Variants in ZFAND6 observed in about 807,000 individuals in gnomAD.
The protein encoded by ZFAND6 is AN1-type zinc finger protein 6.
Under a neutral mutation model 24.5 loss-of-function variants are expected in ZFAND6, and 12 were observed. That is an observed-to-expected ratio of 0.49 (90% CI 0.31 to 0.79). ZFAND6 has a LOEUF of 0.79. Among genes scored for constraint, ZFAND6 ranks in the 30% least tolerant of loss-of-function variants. The pLI is 0.04. For synonymous variants in ZFAND6, 92 were observed against 81.5 expected (o/e 1.13, Z -0.69); for missense variants, 207 against 245.9 (o/e 0.84, Z 1.06).
chr15:80,076,568 C>T (rs567336698), intron 1 of ZFAND6, among the ~76,000 whole-genome samples: 1 of 152,130 alleles, frequency 6.6e-6, no homozygotes, highest in Non-Finnish European at 1.5e-5. Context: ...AAGAATAACA[C>T]CAGCTGATTC....
chr15:80,080,299 C>T (rs986605270), intron 1 of ZFAND6, among the ~76,000 whole-genome samples: 3 of 152,182 alleles, frequency 2.0e-5, no homozygotes, highest in Non-Finnish European at 4.4e-5. Context: ...ACCCGGCCTA[C>T]ACAACCAGTT....
chr15:80,114,973 G>A (rs1330699968), intron 2 of ZFAND6: 1 of 152,110 alleles, frequency 6.6e-6, no homozygotes, highest in Admixed American at 6.5e-5. Flanking sequence ...GGGATATGAT[G>A]GACTTTGACA....
chr15:80,065,921 A>G (rs2036606909), intron 1 of ZFAND6, among the ~76,000 whole-genome samples: 1 of 152,190 alleles, frequency 6.6e-6, no homozygotes, highest in Non-Finnish European at 1.5e-5. Flanking sequence ...ATGTAATCCT[A>G]TTGAATGTTC....
chr15:80,098,853 T>C (rs928077858), intron 2 of ZFAND6, among the ~76,000 whole-genome samples: 1 of 152,136 alleles, frequency 6.6e-6, no homozygotes, highest in Admixed American at 6.5e-5. Context: ...TACTAATTTA[T>C]TATTGTGAAG....
intron 1 of ZFAND6, chr15:80,075,097 ATTGTGT>A (rs1567053535): frequency 6.5e-6 from 1 of 154,540 alleles, no homozygotes. Context: ...TATGTTTGTC[ATTGTGT>A]TTGTTTCAGA....
chr15:80,064,832 A>G (rs933094554), intron 1 of ZFAND6, among the ~76,000 whole-genome samples: 3 of 151,918 alleles, frequency 2.0e-5, no homozygotes, highest in African/African-American at 7.3e-5. Flanking sequence ...GGGTTTTACC[A>G]TGTTGCCCAG....
intron 2 of ZFAND6, among the ~76,000 whole-genome samples, chr15:80,105,892 A>G (rs1168675262): frequency 6.6e-6 from 1 of 152,170 alleles, no homozygotes; most frequent in Non-Finnish European, 1.5e-5. Context: ...ATTTTTATAT[A>G]CCTCTATGAA....
At chr15:80,067,961 A>T (rs1164374311) in intron 1 of ZFAND6, among the ~76,000 whole-genome samples, 5 of 151,742 alleles carry the variant, frequency 3.3e-5, no homozygotes, top group East Asian at 1.9e-4. Flanking sequence ...TTTCTTAATT[A>T]AAAAAATTTT....
At chr15:80,104,938 A>G (rs952611841) in intron 2 of ZFAND6, among the ~76,000 whole-genome samples, 2 of 152,200 alleles carry the variant, frequency 1.3e-5, no homozygotes, top group Admixed American at 6.5e-5. Flanking sequence ...TAAAGTATAT[A>G]AAAAACAGTA....
chr15:80,108,872 C>T (rs944022310), intron 2 of ZFAND6, among the ~76,000 whole-genome samples: 14 of 151,952 alleles, frequency 9.2e-5, no homozygotes, highest in African/African-American at 2.2e-4. Context: ...GGATTACAGA[C>T]GCCTGCCACC....
intron 2 of ZFAND6, among the ~76,000 whole-genome samples, chr15:80,119,715 TA>T (rs1352514030): frequency 6.6e-6 from 1 of 152,176 alleles, no homozygotes; most frequent in Non-Finnish European, 1.5e-5. Flanking sequence ...TGAAGACCCT[TA>T]AAGGGGAATG....
intron 5 of ZFAND6, chr15:80,129,886 CAACTT>C (rs1405684831): frequency 2.0e-5 from 3 of 152,160 alleles, no homozygotes; most frequent in African/African-American, 7.2e-5. Flanking sequence ...ATGGAAAGCA[CAACTT>C]ATACAAGAGC....
At chr15:80,077,994 C>T (rs749426246) in intron 1 of ZFAND6, among the ~76,000 whole-genome samples, 11 of 152,164 alleles carry the variant, frequency 7.2e-5, no homozygotes, top group Middle Eastern at 3.4e-3. Context: ...CCACCGCGCC[C>T]GGCTTTCAAA....
At position 80,120,339 on chromosome 15, in the gene ZFAND6, A is replaced by T. The variant is rs1414923901; in HGVS notation, c.-6A>T. ...TATGTAATTTTCAGGTGTGCAACTG[A>T]GGAACATGGCTCAAGAAACTAATCA... On this transcript the variant is annotated 5_prime_UTR_variant, in exon 3 of 7. Transcript: ENST00000261749. 1 of 1,556,530 alleles carries T rather than the reference A, an allele frequency of 6.4e-7. No homozygotes were observed. Among genetic ancestry groups the T allele is most frequent in the South Asian group, 1.2e-5 (1 of 83,114 alleles).
At chr15:80,086,402 A>C (rs1360615008) in intron 1 of ZFAND6, among the ~76,000 whole-genome samples, 1 of 152,220 alleles carries the variant, frequency 6.6e-6, no homozygotes, top group East Asian at 1.9e-4. Flanking sequence ...ATAAGTGTTC[A>C]GTATTTTTTA....
intron 2 of ZFAND6, among the ~76,000 whole-genome samples, chr15:80,102,484 G>C (rs1038950276): frequency 2.6e-5 from 4 of 152,208 alleles, no homozygotes; most frequent in African/African-American, 9.7e-5. Context: ...AAGTCTGTCA[G>C]TGACTGCTTC....
chr15:80,114,047 G>A (rs1055002827), intron 2 of ZFAND6, among the ~76,000 whole-genome samples: 2 of 152,152 alleles, frequency 1.3e-5, no homozygotes, highest in Admixed American at 6.6e-5. Context: ...ATATGAGCTA[G>A]AAGCTTGTTT....
At chr15:80,081,539 G>A in intron 1 of ZFAND6, among the ~76,000 whole-genome samples, 1 of 152,152 alleles carries the variant, frequency 6.6e-6, no homozygotes, top group East Asian at 1.9e-4. Context: ...TCAAGAAAAG[G>A]GAAGTGACAT....
chr15:80,115,655 A>G (rs1460989868), intron 2 of ZFAND6, among the ~76,000 whole-genome samples: 2 of 150,686 alleles, frequency 1.3e-5, no homozygotes, highest in East Asian at 1.9e-4. Flanking sequence ...GTAAAGGTAC[A>G]TTTTATGGCC....
Sources: gnomAD v4.1 joint callset for allele counts (sites outside exome capture counted in the v4.1 genomes callset) on GRCh38, gnomAD v4.1.1 for gene constraint, MANE v1.5 for transcripts, NCBI Gene and HGNC (gene_info 2026-07-23, HGNC 2026-07-21) for gene names.